Variants in MEGF8 observed in about 807,000 individuals in gnomAD.
MEGF8 encodes the protein multiple EGF like domains 8.
In MEGF8, 156 loss-of-function variants were observed where a neutral mutation model predicts 302.9. The ratio of observed to expected loss-of-function variants is 0.52; its 90% CI spans 0.45 to 0.59. The LOEUF is 0.59. MEGF8 is among the 20% of genes least tolerant of loss of function. MEGF8 has a pLI of 0.00. For missense variants in MEGF8, 3,345 were observed against 3,964.5 expected (o/e 0.84, Z 4.20); for synonymous variants, 1,621 against 1,660.5 (o/e 0.98, Z 0.58).
intron 12 of MEGF8, among the ~76,000 whole-genome samples, chr19:42,345,160 C>T (rs1393801335): frequency 3.3e-5 from 5 of 152,244 alleles, no homozygotes; most frequent in East Asian, 1.9e-4. Flanking sequence ...TAGTAGAAGA[C>T]GAAGTTTCAC....
rs540363102 is a variant in MEGF8, at chr19:42,335,511, T to C, written c.828+126T>C. On this transcript the variant is annotated intron_variant, in intron 5 of 41. Coordinates refer to ENST00000251268, the MANE Select transcript of MEGF8 (RefSeq NM_001271938.2). Reference sequence around the variant, plus strand: ...CTGCAGCTTGATATAGGAACCTACTTCTCCCTGTTTCTGCCTTTTCTCTCC... The same window carrying C: ...CTGCAGCTTGATATAGGAACCTACTCCTCCCTGTTTCTGCCTTTTCTCTCC... 4 of 778,800 alleles carry C rather than the reference T, an allele frequency of 5.1e-6. No individual in the cohort carries two copies. In the African/African-American group the frequency reaches 5.2e-5, roughly 10 times the overall value. 48.2% of individuals were successfully genotyped at this position (778,800 alleles called of 1,614,324 possible).
chr19:42,344,602 G>T lies in MEGF8; in HGVS notation c.1933+17G>T. On this transcript the variant is annotated intron_variant, in intron 11 of 41. Transcript: ENST00000251268. This position sits in a 1 kb window ranked among gnomAD's most constrained non-coding sequence, Gnocchi z 4.5. ...CTAGGCCTGGTGAGTGTCCGCAGCA[G>T]TGGGCCGGCAGGAGGGGGCCAGAGC... 1 of 1,582,160 alleles carries T rather than the reference G, an allele frequency of 6.3e-7. No individual in the cohort carries two copies.
At position 42,352,060 on chromosome 19, in the gene MEGF8, CGA is replaced by C. The variant is rs2039382508; in HGVS notation, c.3102-147_3102-146del. 1 of 1,115,508 alleles carries C rather than the reference CGA, an allele frequency of 9.0e-7. No homozygotes were observed. The highest frequency in any genetic ancestry group is 1.6e-5 in the African/African-American group (1 of 63,292). The allele number at this position is 1,115,508 out of a possible 1,614,324, so 69.1% of individuals were successfully genotyped here. A position where few individuals can be genotyped will look rare whatever the true frequency, so the allele number is the denominator to read the frequency against. On this transcript the variant is annotated intron_variant, in intron 18 of 41. Transcript: ENST00000251268. The surrounding 1 kb of genome is among the most constrained non-coding windows in gnomAD (Gnocchi z 4.4). ...TGTCTTCCAAAATTGTTTTTGTCTG[CGA>C]CTTCTCCTGGTTTCTCTGTCTCTCT...
Position 42,368,491 on chromosome 19 carries a change from G to T in MEGF8, c.6310G>T (p.Ala2104Ser), listed in dbSNP as rs772768716. Reference sequence around the variant, plus strand: ...TTCCTACCTGCCCCTGCGATGTATGGCCGGAGGCTGTGGGCGGCTGCTCCG... The same window carrying T: ...TTCCTACCTGCCCCTGCGATGTATGTCCGGAGGCTGTGGGCGGCTGCTCCG... Reference protein sequence around the residue: ...SPSYLPLRCMAGGCGRLLRGP... With the variant: ...SPSYLPLRCMSGGCGRLLRGP... Residue 2104 changes from alanine to serine, a missense_variant, in exon 36 of 42, where the codon GCC (alanine) becomes TCC (serine). Physicochemically the swap from Ala to Ser is moderately conservative, Grantham distance 99 (BLOSUM62 1). Transcript: ENST00000251268. The surrounding 1 kb of genome is among the most constrained non-coding windows in gnomAD (Gnocchi z 4.9). 18 of 1,609,892 alleles carry T rather than the reference G, an allele frequency of 1.1e-5. No individual in the cohort carries two copies. In the Admixed American group the frequency reaches 2.8e-4, roughly 25 times the overall value.
intron 33 of MEGF8, 22 bp downstream of exon 33, chr19:42,362,235 G>A (rs1402696849): frequency 3.1e-6 from 5 of 1,610,016 alleles, no homozygotes; most frequent in Non-Finnish European, 4.2e-6. Context: ...GGAAGGCAGG[G>A]ATGAGAAGCA....
chr19:42,337,951 G>T (rs1055124052), intron 8 of MEGF8, among the ~76,000 whole-genome samples: 2 of 152,036 alleles, frequency 1.3e-5, no homozygotes, highest in Admixed American at 1.3e-4. Context: ...TTATAGGCAT[G>T]CATCTCCATG....
chr19:42,337,786 G>A (rs1247940092), intron 8 of MEGF8, among the ~76,000 whole-genome samples: 1 of 151,478 alleles, frequency 6.6e-6, no homozygotes, highest in Non-Finnish European at 1.5e-5. Context: ...GATTACAGGC[G>A]TGAGCCACCA....
At chr19:42,345,362 G>T (rs1157676051) in intron 12 of MEGF8, among the ~76,000 whole-genome samples, 1 of 152,200 alleles carries the variant, frequency 6.6e-6, no homozygotes, top group Non-Finnish European at 1.5e-5. Flanking sequence ...ACAATATTGT[G>T]CAATCATCAC....
chr19:42,370,862 GGGGGGGGGGGAGGCC>G, intron 40 of MEGF8, 31 bp downstream of exon 40: 1 of 237,834 alleles, frequency 4.2e-6, no homozygotes, highest in Non-Finnish European at 9.0e-6. Flanking sequence ...GGGGGGGGGG[GGGGGGGGGGGAGGCC>G]GGGGATCCCA....
At position 42,356,328 on chromosome 19, in the gene MEGF8, C is replaced by T. The variant is rs781179327; in HGVS notation, c.4504-7C>T. 5.6e-6 allele frequency: 9 copies of T among 1,609,952 alleles called. No individual in the cohort carries two copies. In the South Asian group the frequency reaches 7.8e-5, roughly 14 times the overall value. On this transcript the variant is annotated splice_region_variant and splice_polypyrimidine_tract_variant and intron_variant, in intron 25 of 41. Coordinates refer to ENST00000251268, the MANE Select transcript of MEGF8 (RefSeq NM_001271938.2). This position sits in a 1 kb window ranked among gnomAD's most constrained non-coding sequence, Gnocchi z 5.2. ...GCCTGATCCCCAATGTCCGCACCCA[C>T]CCCTAGGACACTGCCAGCCGCTTCC...
Position 42,351,376 on chromosome 19 carries a change from C to T in MEGF8, c.2855+42C>T. ...GCAGGGAGTGGGTGGGTGGATGTGC[C>T]TGGGGATGTGTGCTGGCTGTGGAGT... On this transcript the variant is annotated intron_variant, in intron 16 of 41. Coordinates refer to ENST00000251268, the MANE Select transcript of MEGF8 (RefSeq NM_001271938.2). The surrounding 1 kb of genome is among the most constrained non-coding windows in gnomAD (Gnocchi z 5.6). 1 of 1,571,236 alleles carries T rather than the reference C, an allele frequency of 6.4e-7. No homozygotes were observed. The highest frequency in any genetic ancestry group is 8.6e-7 in the Non-Finnish European group (1 of 1,158,182).
In MEGF8 at chr19:42,335,058, G is replaced by A; in HGVS notation, c.582G>A (p.Glu194=). 6.2e-7 allele frequency: 1 copy of A among 1,613,434 alleles called. No homozygotes were observed. The highest frequency in any genetic ancestry group is 8.5e-7 in the Non-Finnish European group (1 of 1,179,684). Residue 194 remains glutamate (E), a synonymous_variant, in exon 4 of 42, where the codon GAG becomes GAA. Transcript: ENST00000251268. ...AGCCCCTGGGACCATGCCGCTGTGA[G>A]CCTGGCTTCTTGGGACGTGCCTGTG... ...CASPLGPCRC[E]PGFLGRACDL...
rs1387335660 is a variant in MEGF8 at position 42,354,023 on chromosome 19, C to T, written c.4010C>T (p.Thr1337Met). ...TCCCCCGACAGCAGCACCCCCTGCACGGTGAGCACTGAGGAAACGAGGGTT... is the reference window on the plus strand; with the variant it reads ...TCCCCCGACAGCAGCACCCCCTGCATGGTGAGCACTGAGGAAACGAGGGTT... ...TFSPDSSTPC[T>M]LSYVLAFDGF... Residue 1337 changes from threonine to methionine, a missense_variant and splice_region_variant, in exon 22 of 42, where the codon ACG becomes ATG. Thr to Met is a moderately conservative substitution (Grantham distance 81). Coordinates refer to ENST00000251268, the MANE Select transcript of MEGF8 (RefSeq NM_001271938.2). This position sits in a 1 kb window ranked among gnomAD's most constrained non-coding sequence, Gnocchi z 4.3. The T allele has an allele frequency of 8.8e-6, 14 of 1,586,114 alleles. No homozygotes were observed. Among genetic ancestry groups the T allele is most frequent in the South Asian group, 2.3e-5 (2 of 86,818 alleles).
intron 32 of MEGF8, among the ~76,000 whole-genome samples, chr19:42,361,551 C>T (rs1369566574): frequency 6.6e-6 from 1 of 152,162 alleles, no homozygotes; most frequent in African/African-American, 2.4e-5. Flanking sequence ...TGCTCCTTAC[C>T]CCAGACCCCA....
intron 8 of MEGF8, among the ~76,000 whole-genome samples, chr19:42,338,743 T>C (rs988789828): frequency 6.6e-6 from 1 of 151,816 alleles, no homozygotes; most frequent in East Asian, 1.9e-4. Context: ...GCAAAGAACA[T>C]GATCTCATTC....
intron 12 of MEGF8, among the ~76,000 whole-genome samples, chr19:42,348,026 G>A (rs901959945): frequency 2.6e-5 from 4 of 152,238 alleles, no homozygotes; most frequent in Non-Finnish European, 4.4e-5. Context: ...TTTAATGTGA[G>A]ATGGAAATGG....
chr19:42,359,191 G>A lies in MEGF8; in HGVS notation c.5437G>A (p.Val1813Ile), dbSNP rs375636196. ...RSDPDEFSSD[V>I]LLYQVNCNAW... ...GGACCCTGACGAGTTCAGCAGCGAC[G>A]TTCTGCTCTACCAGGTCAACTGCAA... Residue 1813 changes from valine (V) to isoleucine (I), a missense_variant, in exon 31 of 42, where the codon GTT (valine) becomes ATT (isoleucine). Transcript: ENST00000251268. 111 of 1,604,348 alleles carry A rather than the reference G, an allele frequency of 6.9e-5. No individual in the cohort carries two copies. Among genetic ancestry groups the A allele is most frequent in the African/African-American group, 9.4e-5 (7 of 74,304 alleles).
rs146660553 is a variant in MEGF8 at position 42,339,841 on chromosome 19, G to A, written c.1513+2635G>A. 6.6e-5 allele frequency among the ~76,000 whole-genome samples: 10 copies of A among 152,322 alleles called. No individual in the cohort carries two copies. In the East Asian group the frequency reaches 1.9e-3, roughly 29 times the overall value. ...TAGGACGCCATGGCGGGCAGATCAT[G>A]AGGTCAGGGGTTTGAGACCATCCTG... On this transcript the variant is annotated intron_variant, in intron 8 of 41. Transcript: ENST00000251268.
At chr19:42,366,064 A>T (rs1411762764) in intron 35 of MEGF8, among the ~76,000 whole-genome samples, 1 of 152,150 alleles carries the variant, frequency 6.6e-6, no homozygotes, top group Non-Finnish European at 1.5e-5. Flanking sequence ...CCTGGGTGAC[A>T]GAGTGAGACT....
Sources: gnomAD v4.1 joint callset for allele counts (sites outside exome capture counted in the v4.1 genomes callset) on GRCh38, gnomAD v4.1.1 for gene constraint, Gnocchi (gnomAD v3.1) non-coding constraint, MANE v1.5 for transcripts, NCBI Gene and HGNC (gene_info 2026-07-23, HGNC 2026-07-21) for gene names.